Variants in HDLBP observed in about 807,000 individuals in gnomAD.
HDLBP encodes the protein high density lipoprotein binding protein, also known as vigilin.
A neutral mutation model predicts 137.3 loss-of-function variants in HDLBP; 30 were observed. The ratio of observed to expected loss-of-function variants is 0.22; its 90% CI spans 0.16 to 0.30. The LOEUF is 0.30. Among genes scored for constraint, HDLBP ranks in the 10% least tolerant of loss-of-function variants. HDLBP has a pLI of 1.00. For missense variants in HDLBP, 1,119 were observed against 1,667.3 expected, an observed-to-expected ratio of 0.67 and a Z score of 5.73; for synonymous variants, 606 against 596.0, an observed-to-expected ratio of 1.02 and a Z score of -0.24.
intron 23 of HDLBP, 38 bp downstream of exon 23, chr2:241,235,083 C>T (rs760026420): frequency 3.1e-6 from 5 of 1,605,412 alleles, no homozygotes. Context: ...AGCTGAGCAC[C>T]ATGGCTCTGG....
At chr2:241,229,784 G>GGGCCCCCCCCCCACC in intron 27 of HDLBP, 49 bp downstream of exon 27, 1 of 1,502,550 alleles carries the variant, frequency 6.7e-7, no homozygotes, top group Non-Finnish European at 9.1e-7. Context: ...AAGCCCGCCT[G>GGGCCCCCCCCCCACC]CCCGCCCACC....
At chr2:241,309,251 T>G (rs972241068) in intron 1 of HDLBP, among the ~76,000 whole-genome samples, 5 of 152,196 alleles carry the variant, frequency 3.3e-5, no homozygotes, top group Non-Finnish European at 7.3e-5. Flanking sequence ...GCTGACTGCC[T>G]GACACCGCTT....
At chr2:241,287,420 CTTTT>C (rs57462994) in intron 1 of HDLBP, among the ~76,000 whole-genome samples, 4 of 135,372 alleles carry the variant, frequency 3.0e-5, no homozygotes, top group South Asian at 2.4e-4. Context: ...TTCTTTCTTT[CTTTT>C]TTTTTTTTTT....
At chr2:241,263,157 C>T (rs1241253815) in intron 4 of HDLBP, among the ~76,000 whole-genome samples, 1 of 152,198 alleles carries the variant, frequency 6.6e-6, no homozygotes, top group East Asian at 1.9e-4. Context: ...ATGAATGAGG[C>T]AGCTAGCAAG....
Position 241,246,186 on chromosome 2 carries a change from A to C in HDLBP, c.1950+566T>G, listed in dbSNP as rs1281201206. On this transcript the variant is annotated intron_variant, in intron 16 of 27. Coordinates refer to ENST00000310931, the MANE Select transcript of HDLBP (RefSeq NM_005336.6). ...GGCCCAATAAAGAGTAGATGTTATG[A>C]TTCCATTCACACAAAAGCGTAGACA... 3.3e-5 allele frequency among the ~76,000 whole-genome samples: 5 copies of C among 151,922 alleles called. No homozygotes were observed. The South Asian group carries it at 1.0e-3, about 32-fold the overall frequency.
intron 7 of HDLBP, 22 bp from the exon 8 acceptor site, chr2:241,255,602 G>A (rs1466140303): frequency 1.9e-6 from 3 of 1,588,884 alleles, no homozygotes; most frequent in Non-Finnish European, 2.6e-6. Flanking sequence ...CACCATAAGG[G>A]GCAGTCAAAG....
chr2:241,241,552 G>A (rs1014965671), intron 17 of HDLBP, among the ~76,000 whole-genome samples: 6 of 105,222 alleles, frequency 5.7e-5, no homozygotes, highest in African/African-American at 1.9e-4. Flanking sequence ...GGGCGACAGA[G>A]CAAGACTCCG....
At chr2:241,242,821 T>A (rs2071376063) in intron 16 of HDLBP, 143 bp from the exon 17 acceptor site, 1 of 724,824 alleles carries the variant, frequency 1.4e-6, no homozygotes, top group African/African-American at 1.8e-5. Flanking sequence ...CTGACCAAAC[T>A]TCTCCAAGCC....
At chr2:241,314,873 AG>A (rs1265445893) in intron 1 of HDLBP, among the ~76,000 whole-genome samples, 1 of 152,184 alleles carries the variant, frequency 6.6e-6, no homozygotes, top group Non-Finnish European at 1.5e-5. Context: ...AAACCTAGGA[AG>A]GCTTCCTGAA....
intron 1 of HDLBP, among the ~76,000 whole-genome samples, chr2:241,289,060 C>A (rs150584527): frequency 1.8e-4 from 28 of 152,326 alleles, no homozygotes; most frequent in Middle Eastern, 6.8e-3. Context: ...CTAGCTAACG[C>A]CATGGGTGGA....
At chr2:241,257,596 G>A (rs1194845926) in intron 5 of HDLBP, among the ~76,000 whole-genome samples, 2 of 152,158 alleles carry the variant, frequency 1.3e-5, no homozygotes, top group African/African-American at 2.4e-5. Flanking sequence ...CAAGACACAA[G>A]CCCAACACAA....
In HDLBP at chr2:241,244,535, A is replaced by G. The variant is rs2071517793; in HGVS notation, c.1951-1857T>C. Among the ~76,000 whole-genome samples, 3 of 152,204 alleles carry G rather than the reference A, an allele frequency of 2.0e-5. No homozygotes were observed. The South Asian group carries it at 6.2e-4, about 32-fold the overall frequency. On this transcript the variant is annotated intron_variant, in intron 16 of 27. Transcript: ENST00000310931. ...AACAACAGGAGACGGCAATGAAGCC[A>G]AGTCTGGAAAGGAAAAAAACTGCCA...
At chr2:241,305,494 C>T (rs1481072046) in intron 1 of HDLBP, among the ~76,000 whole-genome samples, 1 of 152,126 alleles carries the variant, frequency 6.6e-6, no homozygotes, top group Non-Finnish European at 1.5e-5. Context: ...CAAGGACTGA[C>T]CCTTTACAGC....
At chr2:241,259,310 G>A (rs1378653038) in intron 5 of HDLBP, among the ~76,000 whole-genome samples, 1 of 152,194 alleles carries the variant, frequency 6.6e-6, no homozygotes, top group Non-Finnish European at 1.5e-5. Flanking sequence ...AAGGTGAGGA[G>A]GGAGCAGGGT....
In HDLBP at chr2:241,239,100, ATT is replaced by A. The variant is rs1308500496; in HGVS notation, c.2611-315_2611-314del. Among the ~76,000 whole-genome samples the A allele has an allele frequency of 4.6e-5, 7 of 152,156 alleles. No individual in the cohort carries two copies. The highest frequency in any genetic ancestry group is 8.8e-5 in the Non-Finnish European group (6 of 68,018). ...CCATGAGGAGGCATCAGACTTGATTATTAGGGAAAGGGAATCCAAGGCCCTGG... is the reference window on the plus strand; with the variant it reads ...CCATGAGGAGGCATCAGACTTGATTAAGGGAAAGGGAATCCAAGGCCCTGG... On this transcript the variant is annotated intron_variant, in intron 19 of 27. Transcript: ENST00000310931. The surrounding 1 kb of genome is among the most constrained non-coding windows in gnomAD (Gnocchi z 4.6).
Position 241,230,376 on chromosome 2 carries a change from A to C in HDLBP, c.3475-107T>G. 1.3e-6 allele frequency: 1 copy of C among 763,400 alleles called. No homozygotes were observed. Among genetic ancestry groups the C allele is most frequent in the Non-Finnish European group, 2.2e-6 (1 of 461,540 alleles). The allele number at this position is 763,400 out of a possible 1,614,324, so 47.3% of individuals were successfully genotyped here. A position where few individuals can be genotyped will look rare whatever the true frequency, so the allele number is the denominator to read the frequency against. On this transcript the variant is annotated intron_variant, in intron 25 of 27. Coordinates refer to ENST00000310931, the MANE Select transcript of HDLBP (RefSeq NM_005336.6). This position sits in a 1 kb window ranked among gnomAD's most constrained non-coding sequence, Gnocchi z 5.0. ...ATTTTCTGAGTTAGCAAACGTTTTA[A>C]AATCTGGTTTCAGAGTTGTTCTGAA...
At chr2:241,262,184 G>A (rs1293437208) in intron 5 of HDLBP, among the ~76,000 whole-genome samples, 1 of 152,218 alleles carries the variant, frequency 6.6e-6, no homozygotes, top group Non-Finnish European at 1.5e-5. Context: ...TTGGGGCCTG[G>A]AAATGTGTAG....
intron 1 of HDLBP, among the ~76,000 whole-genome samples, chr2:241,310,732 T>A (rs2075733823): frequency 6.6e-6 from 1 of 150,866 alleles, no homozygotes; most frequent in Non-Finnish European, 1.5e-5. Flanking sequence ...AGAACATGAG[T>A]TGCAAATAAA....
chr2:241,278,458 C>A (rs776047787), intron 1 of HDLBP, among the ~76,000 whole-genome samples: 25 of 152,146 alleles, frequency 1.6e-4, no homozygotes, highest in Non-Finnish European at 2.9e-4. Flanking sequence ...TGGCACATGC[C>A]TGTACTCCCA....
Sources: gnomAD v4.1 joint callset for allele counts (sites outside exome capture counted in the v4.1 genomes callset) on GRCh38, gnomAD v4.1.1 for gene constraint, Gnocchi (gnomAD v3.1) non-coding constraint, MANE v1.5 for transcripts, NCBI Gene and HGNC (gene_info 2026-07-23, HGNC 2026-07-21) for gene names.